The following SLC24A3 variants were observed in gnomAD, a reference collection of about 807,000 sequenced individuals.
SLC24A3 encodes the protein solute carrier family 24 member 3.
A neutral mutation model predicts 75.8 loss-of-function variants in SLC24A3; 28 were observed. That is an observed-to-expected ratio of 0.37 (90% CI 0.27 to 0.51). The LOEUF (loss-of-function observed/expected upper bound fraction) is 0.51. Ranked by LOEUF, SLC24A3 falls within the 20% of genes least tolerant of loss-of-function variation. SLC24A3 has a pLI of 0.94. For synonymous variants in SLC24A3, 372 were observed against 334.1 expected (o/e 1.11, Z -1.24); for missense variants, 663 against 847.8 (o/e 0.78, Z 2.71).
intron 2 of SLC24A3, among the ~76,000 whole-genome samples, chr20:19,348,935 G>T (rs150468565): frequency 1.3e-5 from 2 of 152,136 alleles, no homozygotes; most frequent in East Asian, 3.9e-4. Context: ...GAATACTTCA[G>T]GTTTCCCTTC....
At chr20:19,253,941 G>T (rs987736890) in intron 1 of SLC24A3, among the ~76,000 whole-genome samples, 1 of 152,182 alleles carries the variant, frequency 6.6e-6, no homozygotes, top group Non-Finnish European at 1.5e-5. Flanking sequence ...AGACAGTAGG[G>T]TGTAGTGGAG....
chr20:19,339,120 C>G (rs1344072273), intron 2 of SLC24A3, among the ~76,000 whole-genome samples: 2 of 152,246 alleles, frequency 1.3e-5, no homozygotes, highest in African/African-American at 2.4e-5. Context: ...TAGCCTGACT[C>G]TGTTTGTAAT....
intron 1 of SLC24A3, among the ~76,000 whole-genome samples, chr20:19,217,125 G>C (rs922960257): frequency 6.6e-6 from 1 of 152,220 alleles, no homozygotes. Flanking sequence ...AAAGGACAAG[G>C]TGAAAGATGG....
chr20:19,364,281 C>T (rs1163959081), intron 2 of SLC24A3, among the ~76,000 whole-genome samples: 1 of 152,210 alleles, frequency 6.6e-6, no homozygotes, highest in Admixed American at 6.5e-5. Flanking sequence ...GCCCCCCTCC[C>T]CTGAGTCTGA....
At chr20:19,719,283 GA>G (rs1415211555) in intron 16 of SLC24A3, among the ~76,000 whole-genome samples, 1 of 152,194 alleles carries the variant, frequency 6.6e-6, no homozygotes, top group East Asian at 1.9e-4. Context: ...TGACTGTAAA[GA>G]AAGGAGAAAA....
At chr20:19,239,083 G>A (rs142716569) in intron 1 of SLC24A3, among the ~76,000 whole-genome samples, 158 of 146,676 alleles carry the variant, frequency 1.1e-3, no homozygotes, top group Middle Eastern at 3.5e-3. Context: ...GAGGAAGTGT[G>A]ATGCAATCAC....
At chr20:19,647,229 A>G (rs2032150518) in intron 6 of SLC24A3, among the ~76,000 whole-genome samples, 1 of 152,026 alleles carries the variant, frequency 6.6e-6, no homozygotes, top group African/African-American at 2.4e-5. Context: ...CACTGCCATG[A>G]CTTGGTTATT....
chr20:19,645,281 G>T (rs1262923042), intron 6 of SLC24A3, among the ~76,000 whole-genome samples: 1 of 152,180 alleles, frequency 6.6e-6, no homozygotes, highest in South Asian at 2.1e-4. Context: ...GGGGCGCATA[G>T]CACAGAAAAT....
chr20:19,585,389 T>C, intron 5 of SLC24A3, 52 bp from the exon 6 acceptor site: 1 of 1,556,526 alleles, frequency 6.4e-7, no homozygotes. Context: ...ATGCCCACCT[T>C]GGAATGCAAC....
chr20:19,621,086 C>G (rs1190195754), intron 6 of SLC24A3, among the ~76,000 whole-genome samples: 2 of 152,150 alleles, frequency 1.3e-5, no homozygotes, highest in African/African-American at 4.8e-5. Flanking sequence ...GACTCTGCGC[C>G]CACACCATTT....
rs548501661 is a variant in SLC24A3 at position 19,352,746 on chromosome 20, G to A, written c.271+71659G>A. 8.7e-4 allele frequency among the ~76,000 whole-genome samples: 133 copies of A among 152,284 alleles called. 1 individual carries two copies. Among genetic ancestry groups the A allele is most frequent in the African/African-American group, 3.1e-3 (128 of 41,548 alleles). On this transcript the variant is annotated intron_variant, in intron 2 of 16. Transcript: ENST00000328041. ...ATGTGAAGTCTCAGCTGTTGGTGGGGAAGAGACATTGTGTAGGAATTTCCT... is the reference window on the plus strand; with the variant it reads ...ATGTGAAGTCTCAGCTGTTGGTGGGAAAGAGACATTGTGTAGGAATTTCCT...
At chr20:19,391,344 C>T (rs1309531391) in intron 2 of SLC24A3, among the ~76,000 whole-genome samples, 1 of 152,114 alleles carries the variant, frequency 6.6e-6, no homozygotes, top group East Asian at 1.9e-4. Context: ...ATCTCATAGT[C>T]CCTGAGTGTG....
chr20:19,344,383 T>C (rs982784075), intron 2 of SLC24A3, among the ~76,000 whole-genome samples: 2 of 152,198 alleles, frequency 1.3e-5, no homozygotes, highest in South Asian at 4.1e-4. Context: ...AGTGAAACCA[T>C]AACTACATAT....
chr20:19,652,353 T>C (rs555183101), intron 6 of SLC24A3, among the ~76,000 whole-genome samples: 1 of 152,354 alleles, frequency 6.6e-6, no homozygotes, highest in African/African-American at 2.4e-5. Context: ...AGCCCATTTG[T>C]CTGATTATAA....
chr20:19,324,644 G>A (rs1042126456), intron 2 of SLC24A3, among the ~76,000 whole-genome samples: 3 of 152,176 alleles, frequency 2.0e-5, no homozygotes, highest in Non-Finnish European at 4.4e-5. Flanking sequence ...ATAATCAAAG[G>A]CAATCAAGTT....
chr20:19,323,357 C>G (rs1488048801), intron 2 of SLC24A3, among the ~76,000 whole-genome samples: 1 of 152,094 alleles, frequency 6.6e-6, no homozygotes, highest in East Asian at 1.9e-4. Flanking sequence ...GTGAGCAGGT[C>G]CATGCCACAT....
At chr20:19,602,421 C>T (rs1446717760) in intron 6 of SLC24A3, among the ~76,000 whole-genome samples, 1 of 152,070 alleles carries the variant, frequency 6.6e-6, no homozygotes, top group Non-Finnish European at 1.5e-5. Flanking sequence ...CCCACAGTGT[C>T]CTTGCTATAA....
intron 3 of SLC24A3, among the ~76,000 whole-genome samples, chr20:19,555,516 T>A (rs1361985645): frequency 6.6e-6 from 1 of 152,228 alleles, no homozygotes; most frequent in Non-Finnish European, 1.5e-5. Context: ...ATCCCTGGAT[T>A]ACTCCAGGAA....
intron 2 of SLC24A3, among the ~76,000 whole-genome samples, chr20:19,287,203 A>G (rs1480742120): frequency 1.3e-5 from 2 of 152,258 alleles, no homozygotes; most frequent in Non-Finnish European, 2.9e-5. Flanking sequence ...CATGGACTCC[A>G]GAACCTTCTA....
Sources: gnomAD v4.1 joint callset for allele counts (sites outside exome capture counted in the v4.1 genomes callset) on GRCh38, gnomAD v4.1.1 for gene constraint, MANE v1.5 for transcripts, NCBI Gene and HGNC (gene_info 2026-07-23, HGNC 2026-07-21) for gene names.